STXBP5L: variants seen among roughly 807,000 people sequenced by gnomAD.
The protein encoded by STXBP5L is syntaxin binding protein 5L.
STXBP5L carries 65 observed loss-of-function variants against 144.5 expected under a neutral mutation model. The observed-to-expected ratio is 0.45, with a 90% CI of 0.37 to 0.55. The LOEUF (loss-of-function observed/expected upper bound fraction) is 0.55, where lower values mean the gene tolerates loss of function less well. STXBP5L is among the 20% of genes least tolerant of loss of function. The probability of loss-of-function intolerance (pLI) is 0.00; values close to 1 mark genes in which losing one functional copy is unlikely to be tolerated. For synonymous variants in STXBP5L, 505 were observed against 469.6 expected, an observed-to-expected ratio of 1.08 and a Z score of -0.97; for missense variants, 1,298 against 1,405.5, an observed-to-expected ratio of 0.92 and a Z score of 1.22.
At chr3:121,093,598 T>C (rs2042946373) in intron 5 of STXBP5L, among the ~76,000 whole-genome samples, 1 of 152,242 alleles carries the variant, frequency 6.6e-6, no homozygotes. Flanking sequence ...AGTTTATATT[T>C]CTGTGGGATC....
At chr3:121,105,074 G>T (rs1199806339) in intron 5 of STXBP5L, among the ~76,000 whole-genome samples, 4 of 152,086 alleles carry the variant, frequency 2.6e-5, no homozygotes, top group African/African-American at 4.8e-5. Context: ...CAAAAAGTGG[G>T]CTAAGGACAT....
chr3:121,303,658 G>C (rs551411124), intron 19 of STXBP5L, among the ~76,000 whole-genome samples: 2 of 152,304 alleles, frequency 1.3e-5, no homozygotes, highest in Admixed American at 1.3e-4. Context: ...ACTGGATTAA[G>C]AAAATGTGGC....
chr3:120,968,334 C>T (rs1246542641), intron 3 of STXBP5L, among the ~76,000 whole-genome samples: 2 of 152,060 alleles, frequency 1.3e-5, no homozygotes, highest in Non-Finnish European at 1.5e-5. Flanking sequence ...ATTGTATTGA[C>T]CCCTTCATCA....
intron 5 of STXBP5L, among the ~76,000 whole-genome samples, chr3:121,089,092 T>TAAAAAAAAA (rs375977537): frequency 7.1e-5 from 4 of 56,156 alleles, no homozygotes; most frequent in Admixed American, 5.6e-4. Context: ...TAGAGTATAA[T>TAAAAAAAAA]AAAAAAAAAA....
rs553768193 is a variant in STXBP5L at position 121,137,786 on chromosome 3, A to G, written c.670-14691A>G. 3.9e-5 allele frequency among the ~76,000 whole-genome samples: 6 copies of G among 152,262 alleles called. No homozygotes were observed. The South Asian group carries it at 1.2e-3, about 32-fold the overall frequency. ...GATAGAAGGATTGTACCTCAACCCA[A>G]TAAGGGCCACAATTGACAAGACCCA... On this transcript the variant is annotated intron_variant, in intron 7 of 26. Coordinates refer to ENST00000471454, the MANE Select transcript of STXBP5L (RefSeq NM_001308330.2).
intron 18 of STXBP5L, among the ~76,000 whole-genome samples, chr3:121,266,550 C>G (rs1481706943): frequency 6.6e-6 from 1 of 152,146 alleles, no homozygotes; most frequent in Non-Finnish European, 1.5e-5. Context: ...GGAGCATTCC[C>G]TTTGAAAACT....
chr3:121,253,290 T>C (rs1366583468), intron 15 of STXBP5L, among the ~76,000 whole-genome samples: 1 of 151,746 alleles, frequency 6.6e-6, no homozygotes, highest in Non-Finnish European at 1.5e-5. Flanking sequence ...GGTTTATACC[T>C]CTCAACCAGA....
chr3:121,049,357 G>A (rs1045090237), intron 5 of STXBP5L, among the ~76,000 whole-genome samples: 1 of 152,160 alleles, frequency 6.6e-6, no homozygotes, highest in East Asian at 1.9e-4. Context: ...CCAGTGTGGG[G>A]TGGTTGAGGT....
At chr3:120,909,508 C>T (rs1708714732) in intron 1 of STXBP5L, 63 bp from the exon 2 acceptor site, 4 of 1,402,308 alleles carry the variant, frequency 2.9e-6, no homozygotes, top group Admixed American at 4.8e-5. Flanking sequence ...AGGCTTTTAC[C>T]AAGGTCTAAT....
At chr3:121,283,625 A>G (rs1450244220) in intron 19 of STXBP5L, among the ~76,000 whole-genome samples, 4 of 152,014 alleles carry the variant, frequency 2.6e-5, no homozygotes, top group African/African-American at 9.7e-5. Context: ...TTGTCCTTAA[A>G]TGCTTTCACA....
intron 9 of STXBP5L, among the ~76,000 whole-genome samples, chr3:121,164,660 G>A (rs530487783): frequency 4.7e-4 from 71 of 152,246 alleles, no homozygotes; most frequent in Middle Eastern, 6.8e-3. Context: ...ACTGATGCAT[G>A]GGTAAAGAAA....
chr3:121,267,748 A>G (rs2050616042), intron 18 of STXBP5L, among the ~76,000 whole-genome samples: 1 of 152,228 alleles, frequency 6.6e-6, no homozygotes, highest in Admixed American at 6.5e-5. Flanking sequence ...TTGGCAAACG[A>G]TAGGAACAGA....
At chr3:121,384,031 G>T in intron 22 of STXBP5L, among the ~76,000 whole-genome samples, 1 of 152,020 alleles carries the variant, frequency 6.6e-6, no homozygotes, top group East Asian at 1.9e-4. Context: ...ACTTTTGTTA[G>T]TCGGCCTAGG....
chr3:121,350,286 C>T (rs572599870), intron 20 of STXBP5L, among the ~76,000 whole-genome samples: 8 of 152,224 alleles, frequency 5.3e-5, no homozygotes, highest in Middle Eastern at 6.8e-3. Flanking sequence ...GAATATTGGC[C>T]TCCACTCTCT....
rs376559237 is a variant in STXBP5L at position 121,045,512 on chromosome 3, T to C, written c.447T>C (p.His149=). 1.2e-6 allele frequency: 2 copies of C among 1,612,390 alleles called. No individual in the cohort carries two copies. Among genetic ancestry groups the C allele is most frequent in the East Asian group, 2.2e-5 (1 of 44,806 alleles). ...GACAAAAAAGGCCAGCCATACTCCA[T>C]TCTCTTAAATTTAACCGGGAACGGT... ...NLRQKRPAIL[H]SLKFNRERIT... is the part of the protein sequence containing the mutation. Residue 149 remains histidine (H), a synonymous_variant, in exon 5 of 27, where the codon CAT becomes CAC. Transcript: ENST00000471454.
chr3:121,127,018 G>T (rs927258963), intron 7 of STXBP5L, among the ~76,000 whole-genome samples: 3 of 152,140 alleles, frequency 2.0e-5, no homozygotes, highest in Admixed American at 6.6e-5. Flanking sequence ...GTTATGTAAA[G>T]AACATATTGA....
At chr3:121,234,935 T>A (rs2049426054) in intron 12 of STXBP5L, among the ~76,000 whole-genome samples, 2 of 152,030 alleles carry the variant, frequency 1.3e-5, no homozygotes, top group African/African-American at 4.8e-5. Flanking sequence ...TGTCTAAGTA[T>A]CTAACATCTT....
intron 19 of STXBP5L, among the ~76,000 whole-genome samples, chr3:121,290,754 A>G (rs1218596346): frequency 6.6e-6 from 1 of 152,190 alleles, no homozygotes. Context: ...GGTTTAACAT[A>G]CACAAGTCAA....
At chr3:121,127,400 CAGTT>C (rs1268308052) in intron 7 of STXBP5L, among the ~76,000 whole-genome samples, 2 of 151,946 alleles carry the variant, frequency 1.3e-5, no homozygotes, top group South Asian at 2.1e-4. Context: ...ACTAAGGTGT[CAGTT>C]AGGCCGTGCT....
Sources: gnomAD v4.1 joint callset for allele counts (sites outside exome capture counted in the v4.1 genomes callset) on GRCh38, gnomAD v4.1.1 for gene constraint, MANE v1.5 for transcripts, NCBI Gene and HGNC (gene_info 2026-07-23, HGNC 2026-07-21) for gene names.